The following MYZAP variants were observed in gnomAD, a reference collection of about 807,000 sequenced individuals.
MYZAP encodes the protein myocardial zonula adherens protein.
In MYZAP, 66 loss-of-function variants were observed where a neutral mutation model predicts 69.4. The ratio of observed to expected loss-of-function variants is 0.95; its 90% CI spans 0.78 to 1.17. MYZAP has a LOEUF of 1.17. Ranked by LOEUF, MYZAP falls within the 50% of genes most tolerant of loss-of-function variation. MYZAP has a pLI of 0.00. For synonymous variants in MYZAP, 256 were observed against 205.9 expected (o/e 1.24, Z -2.09); for missense variants, 611 against 556.2 (o/e 1.10, Z -0.99).
chr15:57,618,194 C>G lies in MYZAP; in HGVS notation c.318+6C>G, dbSNP rs773655794. Reference sequence around the variant, plus strand: ...AGATGAACTACATCAAAGATGTGAGCCATTTAAGAGTTTTTGCCCCCCACC... The same window carrying G: ...AGATGAACTACATCAAAGATGTGAGGCATTTAAGAGTTTTTGCCCCCCACC... On this transcript the variant is annotated splice_donor_region_variant and intron_variant, in intron 3 of 12. Coordinates refer to ENST00000267853, the MANE Select transcript of MYZAP (RefSeq NM_001018100.5). 1.2e-6 allele frequency: 2 copies of G among 1,612,494 alleles called. No individual in the cohort carries two copies. The highest frequency in any genetic ancestry group is 1.7e-6 in the Non-Finnish European group (2 of 1,179,394).
At chr15:57,629,465 A>T (rs1425520378) in intron 5 of MYZAP, among the ~76,000 whole-genome samples, 1 of 152,174 alleles carries the variant, frequency 6.6e-6, no homozygotes, top group African/African-American at 2.4e-5. Context: ...TGGTGTTGGC[A>T]GCAGCTATGG....
chr15:57,635,246 G>A (rs2036747237), intron 8 of MYZAP, among the ~76,000 whole-genome samples: 1 of 152,152 alleles, frequency 6.6e-6, no homozygotes, highest in South Asian at 2.1e-4. Flanking sequence ...GGGCTTTTGT[G>A]AGCAATAAAT....
At chr15:57,668,894 A>ATATATATATATATATATATTTT (rs1252525814) in intron 11 of MYZAP, among the ~76,000 whole-genome samples, 1 of 62,608 alleles carries the variant, frequency 1.6e-5, no homozygotes, top group African/African-American at 3.9e-5. Context: ...ATATATATAT[A>ATATATATATATATATATATTTT]TTTTTTTTTT....
chr15:57,657,893 C>G (rs1433856668), intron 10 of MYZAP, among the ~76,000 whole-genome samples: 3 of 152,170 alleles, frequency 2.0e-5, no homozygotes, highest in African/African-American at 7.2e-5. Flanking sequence ...GCTGCCCCTC[C>G]CAGTCCTGCC....
intron 5 of MYZAP, among the ~76,000 whole-genome samples, chr15:57,626,317 G>A (rs2036131383): frequency 6.6e-6 from 1 of 152,164 alleles, no homozygotes; most frequent in Non-Finnish European, 1.5e-5. Flanking sequence ...AAAAAGGCCT[G>A]TAAACACTTT....
At chr15:57,654,002 C>CAAAAAAAAAAAAAAAAAAAAAAA (rs398043344) in intron 10 of MYZAP, among the ~76,000 whole-genome samples, 1 of 36,084 alleles carries the variant, frequency 2.8e-5, no homozygotes, top group Admixed American at 5.8e-4. Context: ...CAAACGCTGT[C>CAAAAAAAAAAAAAAAAAAAAAAA]AAAAAAAAAA....
chr15:57,667,762 T>A (rs543657085), intron 11 of MYZAP, among the ~76,000 whole-genome samples: 1 of 152,340 alleles, frequency 6.6e-6, no homozygotes, highest in South Asian at 2.1e-4. Flanking sequence ...TAAGTTTCTG[T>A]TATTTATTAA....
intron 10 of MYZAP, among the ~76,000 whole-genome samples, chr15:57,641,156 C>T (rs1326690203): frequency 6.6e-6 from 1 of 152,148 alleles, no homozygotes; most frequent in African/African-American, 2.4e-5. Context: ...TGTATCTAAT[C>T]GTTAGAGAAC....
In MYZAP at chr15:57,591,982, T is replaced by C. The variant is rs1168708351; in HGVS notation, c.-53T>C. 9 of 1,386,956 alleles carry C rather than the reference T, an allele frequency of 6.5e-6. No individual in the cohort carries two copies. The African/African-American group carries it at 1.2e-4, about 19-fold the overall frequency. 85.9% of individuals were successfully genotyped at this position (1,386,956 alleles called of 1,614,324 possible). A position where few individuals can be genotyped will look rare whatever the true frequency, so the allele number is the denominator to read the frequency against. Reference sequence around the variant, plus strand: ...GCGCAGGGCGGGCCCCGCACGCTTATTCTGCCCGGGAGGAACGCCGGCGTC... The same window carrying C: ...GCGCAGGGCGGGCCCCGCACGCTTACTCTGCCCGGGAGGAACGCCGGCGTC... On this transcript the variant is annotated 5_prime_UTR_variant, in exon 1 of 13. Transcript: ENST00000267853.
intron 12 of MYZAP, among the ~76,000 whole-genome samples, chr15:57,676,449 TATATATATAC>T (rs1567242232): frequency 7.0e-6 from 1 of 142,340 alleles, no homozygotes; most frequent in African/African-American, 2.6e-5. Flanking sequence ...TATATATATA[TATATATATAC>T]ATATATATAC....
chr15:57,625,922 C>T (rs2036107803), intron 5 of MYZAP, 30 bp downstream of exon 5: 1 of 1,595,398 alleles, frequency 6.3e-7, no homozygotes, highest in South Asian at 1.1e-5. Flanking sequence ...TATGACAGGG[C>T]AACCCAGCTT....
At chr15:57,592,252 C>G in intron 1 of MYZAP, 143 bp downstream of exon 1, 1 of 752,850 alleles carries the variant, frequency 1.3e-6, no homozygotes, top group Non-Finnish European at 1.8e-6. Flanking sequence ...GGTCCTGTGC[C>G]GGCTCTGGCA....
intron 12 of MYZAP, among the ~76,000 whole-genome samples, chr15:57,682,925 C>G (rs1483287579): frequency 6.6e-6 from 1 of 152,132 alleles, no homozygotes; most frequent in Non-Finnish European, 1.5e-5. Flanking sequence ...TGTGAATTTC[C>G]TGGTGGTGCT....
At chr15:57,637,176 C>G (rs985792036) in intron 8 of MYZAP, among the ~76,000 whole-genome samples, 1 of 152,216 alleles carries the variant, frequency 6.6e-6, no homozygotes, top group African/African-American at 2.4e-5. Context: ...TGCAGAATTC[C>G]TTTCTCCATG....
At chr15:57,640,111 A>C (rs2037062917) in intron 10 of MYZAP, among the ~76,000 whole-genome samples, 1 of 152,150 alleles carries the variant, frequency 6.6e-6, no homozygotes, top group African/African-American at 2.4e-5. Flanking sequence ...ACAGGAAACC[A>C]AGCTATACAT....
chr15:57,630,211 G>A (rs146474099), intron 6 of MYZAP, among the ~76,000 whole-genome samples: 1,880 of 152,206 alleles, frequency 0.012, 33 homozygotes, highest in African/African-American at 0.043. Flanking sequence ...CAGGTGATCC[G>A]CCTGCCTTGG....
At chr15:57,652,068 T>G (rs1224843312) in intron 10 of MYZAP, among the ~76,000 whole-genome samples, 2 of 152,216 alleles carry the variant, frequency 1.3e-5, no homozygotes, top group Non-Finnish European at 2.9e-5. Context: ...TGTGCCATGT[T>G]CATATCTAGC....
At chr15:57,626,625 A>C (rs1250505194) in intron 5 of MYZAP, among the ~76,000 whole-genome samples, 9 of 152,264 alleles carry the variant, frequency 5.9e-5, no homozygotes, top group Admixed American at 3.3e-4. Flanking sequence ...ATGTATGAAC[A>C]ACAGTTTTTA....
chr15:57,622,776 A>C (rs557068370), intron 4 of MYZAP, among the ~76,000 whole-genome samples: 1 of 152,320 alleles, frequency 6.6e-6, no homozygotes, highest in African/African-American at 2.4e-5. Context: ...GTGTGAATTC[A>C]TTTATACCCT....
Sources: gnomAD v4.1 joint callset for allele counts (sites outside exome capture counted in the v4.1 genomes callset) on GRCh38, gnomAD v4.1.1 for gene constraint, MANE v1.5 for transcripts, NCBI Gene and HGNC (gene_info 2026-07-23, HGNC 2026-07-21) for gene names.